EPHA5: variants seen among roughly 807,000 people sequenced by gnomAD.
EPHA5 encodes the protein EPH receptor A5.
A neutral mutation model predicts 105.0 loss-of-function variants in EPHA5; 60 were observed. The ratio of observed to expected loss-of-function variants is 0.57; its 90% CI spans 0.46 to 0.71. The LOEUF (loss-of-function observed/expected upper bound fraction) is 0.71, where lower values mean the gene tolerates loss of function less well. EPHA5 is among the 30% of genes least tolerant of loss of function. The pLI, the probability that EPHA5 is intolerant of heterozygous loss-of-function variation, is 0.00. For synonymous variants in EPHA5, 513 were observed against 449.1 expected (o/e 1.14, Z -1.80); for missense variants, 1,218 against 1,274.7 (o/e 0.96, Z 0.68).
At chr4:65,499,711 T>C (rs1242258975) in intron 3 of EPHA5, among the ~76,000 whole-genome samples, 1 of 151,570 alleles carries the variant, frequency 6.6e-6, no homozygotes, top group East Asian at 1.9e-4. Flanking sequence ...ACCATACTCA[T>C]TGTCTCCATC....
chr4:65,439,583 C>G (rs147787387), intron 5 of EPHA5, among the ~76,000 whole-genome samples: 1 of 152,126 alleles, frequency 6.6e-6, no homozygotes, highest in Non-Finnish European at 1.5e-5. Flanking sequence ...AAGATGCTGA[C>G]ATAAAAGCAT....
intron 3 of EPHA5, among the ~76,000 whole-genome samples, chr4:65,576,058 GAAA>G (rs367708248): frequency 2.0e-5 from 1 of 50,814 alleles, no homozygotes; most frequent in African/African-American, 8.3e-5. Context: ...AAGAAAGAAA[GAAA>G]AGAAAAGAAA....
intron 9 of EPHA5, among the ~76,000 whole-genome samples, chr4:65,366,354 C>A (rs553130731): frequency 2.0e-5 from 3 of 151,756 alleles, no homozygotes; most frequent in African/African-American, 7.2e-5. Flanking sequence ...ATTCACCGAA[C>A]TGGACAATGC....
intron 3 of EPHA5, among the ~76,000 whole-genome samples, chr4:65,579,279 A>G (rs1210308705): frequency 6.7e-6 from 1 of 150,260 alleles, no homozygotes; most frequent in Non-Finnish European, 1.5e-5. Context: ...AGTAAGAATG[A>G]CTGAATAACT....
At chr4:65,496,229 T>C (rs1731918519) in intron 3 of EPHA5, among the ~76,000 whole-genome samples, 1 of 152,054 alleles carries the variant, frequency 6.6e-6, no homozygotes, top group Non-Finnish European at 1.5e-5. Context: ...TCAAACATTA[T>C]GTCTTTTTTT....
At chr4:65,438,908 A>C (rs749819766) in intron 5 of EPHA5, among the ~76,000 whole-genome samples, 7 of 152,160 alleles carry the variant, frequency 4.6e-5, no homozygotes, top group Non-Finnish European at 1.0e-4. Context: ...AAGTTCTGAG[A>C]AGGTGAATAA....
intron 5 of EPHA5, among the ~76,000 whole-genome samples, chr4:65,449,666 A>C (rs1726892537): frequency 6.6e-6 from 1 of 152,154 alleles, no homozygotes; most frequent in Admixed American, 6.6e-5. Context: ...TTACTCGTGA[A>C]GTTGACCTTT....
At chr4:65,498,012 C>T (rs1226474969) in intron 3 of EPHA5, among the ~76,000 whole-genome samples, 1 of 151,702 alleles carries the variant, frequency 6.6e-6, no homozygotes, top group African/African-American at 2.4e-5. Flanking sequence ...ACATAGATAC[C>T]CAATTTAATC....
In EPHA5 at chr4:65,544,194, A is replaced by G. The variant is rs541163686; in HGVS notation, c.911-48651T>C. On this transcript the variant is annotated intron_variant, in intron 3 of 16. Coordinates refer to ENST00000613740, the MANE Select transcript of EPHA5 (RefSeq NM_001281766.3). ...AAAACTTCATGATGAAAATGCTGAA[A>G]GCAATTGAAACAAAAGCCAAAATTG... 4.6e-5 allele frequency among the ~76,000 whole-genome samples: 7 copies of G among 152,246 alleles called. No homozygotes were observed. The East Asian group carries it at 1.4e-3, about 29-fold the overall frequency.
chr4:65,633,753 C>A (rs537914351), intron 2 of EPHA5, among the ~76,000 whole-genome samples: 2 of 152,048 alleles, frequency 1.3e-5, no homozygotes, highest in South Asian at 2.1e-4. Flanking sequence ...TTAACAGGTA[C>A]CTCATGTCAC....
At chr4:65,596,845 G>C (rs1743242462) in intron 3 of EPHA5, among the ~76,000 whole-genome samples, 2 of 152,104 alleles carry the variant, frequency 1.3e-5, no homozygotes, top group Non-Finnish European at 2.9e-5. Context: ...CAACCCCTTT[G>C]ATGTTTTTTG....
At chr4:65,339,844 G>T (rs1383393317) in intron 14 of EPHA5, among the ~76,000 whole-genome samples, 2 of 152,008 alleles carry the variant, frequency 1.3e-5, no homozygotes, top group Admixed American at 6.6e-5. Context: ...AATCTAAAGG[G>T]CATTGTATAT....
chr4:65,645,845 C>T (rs1266662371), intron 1 of EPHA5, among the ~76,000 whole-genome samples: 2 of 152,028 alleles, frequency 1.3e-5, no homozygotes, highest in Admixed American at 1.3e-4. Context: ...TGTATCTTCC[C>T]ACTACTGCCT....
At chr4:65,407,530 A>G (rs1027213944) in intron 7 of EPHA5, among the ~76,000 whole-genome samples, 1 of 151,812 alleles carries the variant, frequency 6.6e-6, no homozygotes, top group Admixed American at 6.6e-5. Context: ...CATTTTATGA[A>G]CATATTTTAT....
rs1221723969 is a variant in EPHA5 at position 65,603,168 on chromosome 4, T to C, written c.247-864A>G. ...TAAAAAAAATTAAGTACAATTTATA[T>C]AGCTTCCAAAATATTATTTGGCCAA... On this transcript the variant is annotated intron_variant, in intron 2 of 16. Transcript: ENST00000613740. Among the ~76,000 whole-genome samples the C allele has an allele frequency of 7.2e-5, 11 of 152,238 alleles. No homozygotes were observed. The East Asian group carries it at 2.1e-3, about 29-fold the overall frequency.
chr4:65,550,697 A>G (rs543963504), intron 3 of EPHA5, among the ~76,000 whole-genome samples: 1 of 152,086 alleles, frequency 6.6e-6, no homozygotes, highest in South Asian at 2.1e-4. Context: ...TTAGCCAGGC[A>G]TGGTGGCGCG....
At chr4:65,616,152 G>A (rs1745217151) in intron 2 of EPHA5, among the ~76,000 whole-genome samples, 1 of 151,884 alleles carries the variant, frequency 6.6e-6, no homozygotes, top group Non-Finnish European at 1.5e-5. Flanking sequence ...TGAATCTCCA[G>A]GGAATTATGC....
intron 2 of EPHA5, among the ~76,000 whole-genome samples, chr4:65,625,959 GTT>G (rs1408419109): frequency 1.3e-5 from 2 of 152,036 alleles, no homozygotes; most frequent in South Asian, 4.1e-4. Context: ...AATTATCCGC[GTT>G]TGGTGGCGGG....
At chr4:65,410,398 C>T (rs1297204212) in intron 7 of EPHA5, among the ~76,000 whole-genome samples, 2 of 152,108 alleles carry the variant, frequency 1.3e-5, no homozygotes, top group East Asian at 3.9e-4. Context: ...TGAATGGTTT[C>T]CAGGGCTTAG....
Sources: allele counts gnomAD v4.1 joint callset (sites outside exome capture counted in the v4.1 genomes callset), GRCh38; gene constraint gnomAD v4.1.1; transcripts MANE v1.5; gene names NCBI Gene and HGNC (gene_info 2026-07-23, HGNC 2026-07-21).